Variants in FGF1 observed in about 807,000 individuals in gnomAD.
The protein encoded by FGF1 is beta-endothelial cell growth factor.
In FGF1, 9 loss-of-function variants were observed where a neutral mutation model predicts 13.4. The ratio of observed to expected loss-of-function variants is 0.67; its 90% CI spans 0.40 to 1.17. The LOEUF (loss-of-function observed/expected upper bound fraction) is 1.17. Ranked by LOEUF, FGF1 falls within the 50% of genes most tolerant of loss-of-function variation. The pLI is 0.01. For missense variants in FGF1, 156 were observed against 192.7 expected, an observed-to-expected ratio of 0.81 and a Z score of 1.13; for synonymous variants, 93 against 79.0, an observed-to-expected ratio of 1.18 and a Z score of -0.94.
intron 2 of FGF1, among the ~76,000 whole-genome samples, chr5:142,610,955 T>G (rs1758910967): frequency 6.6e-6 from 1 of 151,858 alleles, no homozygotes; most frequent in Non-Finnish European, 1.5e-5. Flanking sequence ...GTGAAAGGAG[T>G]TATTTCTGCC....
intron 1 of FGF1, among the ~76,000 whole-genome samples, chr5:142,633,369 G>A (rs1467671769): frequency 6.6e-6 from 1 of 152,176 alleles, no homozygotes; most frequent in African/African-American, 2.4e-5. Context: ...ACAGGCTTGA[G>A]TTCCATTTTT....
intron 1 of FGF1, chr5:142,627,259 G>A (rs1244102418): frequency 6.6e-6 from 1 of 152,118 alleles, no homozygotes; most frequent in Non-Finnish European, 1.5e-5. Flanking sequence ...TCTATCATAT[G>A]GGCTAGATGA....
chr5:142,633,683 A>T (rs1192048957), intron 1 of FGF1, among the ~76,000 whole-genome samples: 1 of 152,224 alleles, frequency 6.6e-6, no homozygotes, highest in Non-Finnish European at 1.5e-5. Context: ...CCACTGCAGC[A>T]TTGGCTGAAA....
intron 2 of FGF1, among the ~76,000 whole-genome samples, chr5:142,613,728 G>C (rs1026750308): frequency 6.6e-6 from 1 of 152,208 alleles, no homozygotes; most frequent in African/African-American, 2.4e-5. Context: ...TCAGCAGAGA[G>C]TGCTTTAAAA....
chr5:142,622,973 C>T (rs951475054), intron 1 of FGF1, among the ~76,000 whole-genome samples: 1 of 152,180 alleles, frequency 6.6e-6, no homozygotes, highest in Non-Finnish European at 1.5e-5. Flanking sequence ...GAGACAGCTC[C>T]CAGAAGCTCA....
chr5:142,624,213 C>T (rs140664876), intron 1 of FGF1, among the ~76,000 whole-genome samples: 1 of 152,294 alleles, frequency 6.6e-6, no homozygotes, highest in East Asian at 1.9e-4. Context: ...AGCCACCATG[C>T]CCGGCTGTCT....
At chr5:142,687,937 A>G (rs1266166466), upstream of FGF1, among the ~76,000 whole-genome samples, 1 of 152,176 alleles carries the variant, frequency 6.6e-6, no homozygotes, top group Non-Finnish European at 1.5e-5. Flanking sequence ...AGACTTTCCT[A>G]CTCATATCTT....
At chr5:142,614,260 G>C in intron 1 of FGF1, 99 bp from the exon 2 acceptor site, 1 of 916,746 alleles carries the variant, frequency 1.1e-6, no homozygotes, top group Non-Finnish European at 1.6e-6. Context: ...AGGGTTCCCG[G>C]GTAGTGAGTA....
upstream of FGF1, among the ~76,000 whole-genome samples, chr5:142,688,780 T>C (rs919809012): frequency 1.3e-5 from 2 of 152,240 alleles, no homozygotes; most frequent in African/African-American, 4.8e-5. Flanking sequence ...ATGTTGTGGC[T>C]CTTGCCAGAG....
intron 1 of FGF1, among the ~76,000 whole-genome samples, chr5:142,634,490 G>A (rs545605616): frequency 1.3e-5 from 2 of 152,182 alleles, no homozygotes; most frequent in South Asian, 4.1e-4. Context: ...CTAGATTCAG[G>A]GTAAGAACCA....
chr5:142,667,271 G>A (rs1411002293), intron 1 of FGF1, among the ~76,000 whole-genome samples: 1 of 151,570 alleles, frequency 6.6e-6, no homozygotes, highest in East Asian at 1.9e-4. Flanking sequence ...GCAACAGAGC[G>A]AGACTCGGTC....
At chr5:142,651,890 C>A (rs1262823355) in intron 1 of FGF1, among the ~76,000 whole-genome samples, 1 of 151,298 alleles carries the variant, frequency 6.6e-6, no homozygotes, top group Non-Finnish European at 1.5e-5. Flanking sequence ...CTCTTTCCAG[C>A]CTCAAATTTC....
intron 1 of FGF1, among the ~76,000 whole-genome samples, chr5:142,666,907 G>A (rs1225605039): frequency 2.6e-5 from 4 of 151,380 alleles, no homozygotes. Context: ...ACTGCAGTGA[G>A]GCCTTGTCTC....
chr5:142,693,996 G>C (rs919046231), intron 2 of FGF1, among the ~76,000 whole-genome samples: 4 of 151,142 alleles, frequency 2.6e-5, no homozygotes, highest in Admixed American at 6.6e-5. Context: ...GTTTTTGTGT[G>C]AACATGTGTT....
chr5:142,614,410 T>C (rs566804670), intron 1 of FGF1, among the ~76,000 whole-genome samples: 2 of 152,316 alleles, frequency 1.3e-5, no homozygotes, highest in East Asian at 3.9e-4. Context: ...TGGACCAAAC[T>C]GCATTTTTTA....
intron 1 of FGF1, among the ~76,000 whole-genome samples, chr5:142,617,456 G>T (rs1408058938): frequency 2.0e-5 from 3 of 152,108 alleles, no homozygotes; most frequent in Non-Finnish European, 4.4e-5. Flanking sequence ...GTTTTCACTG[G>T]CTAAATAACC....
At chr5:142,669,028 C>A (rs1770943635) in intron 1 of FGF1, among the ~76,000 whole-genome samples, 1 of 152,236 alleles carries the variant, frequency 6.6e-6, no homozygotes, top group Non-Finnish European at 1.5e-5. Flanking sequence ...CAGGGGTGGG[C>A]AAGTAGAGGG....
chr5:142,692,660 GACACACAC>G (rs146277733), intron 2 of FGF1, among the ~76,000 whole-genome samples: 3 of 145,660 alleles, frequency 2.1e-5, no homozygotes, highest in Admixed American at 6.9e-5. Context: ...TATTCCCCAG[GACACACAC>G]ACACACACGC....
At chr5:142,662,247 G>A (rs561544753) in intron 1 of FGF1, among the ~76,000 whole-genome samples, 9 of 152,212 alleles carry the variant, frequency 5.9e-5, no homozygotes, top group East Asian at 1.9e-4. Flanking sequence ...CACTTTGAAC[G>A]GACGAACTGT....
Sources: allele counts gnomAD v4.1 joint callset (sites outside exome capture counted in the v4.1 genomes callset), GRCh38; gene constraint gnomAD v4.1.1; transcripts MANE v1.5; gene names NCBI Gene and HGNC (gene_info 2026-07-23, HGNC 2026-07-21).